DYNAP: variants seen among roughly 807,000 people sequenced by gnomAD.
DYNAP encodes the protein dynactin-associated protein.
Under a neutral mutation model 8.5 loss-of-function variants are expected in DYNAP, and 7 were observed. The ratio of observed to expected loss-of-function variants is 0.82; its 90% CI spans 0.47 to 1.54. The LOEUF (loss-of-function observed/expected upper bound fraction) is 1.54, where lower values mean the gene tolerates loss of function less well. Among genes scored for constraint, DYNAP ranks in the 40% most tolerant of loss-of-function variants. The pLI is 0.01. For missense variants in DYNAP, 256 were observed against 224.3 expected, an observed-to-expected ratio of 1.14 and a Z score of -0.90; for synonymous variants, 77 against 77.9, an observed-to-expected ratio of 0.99 and a Z score of 0.06.
upstream of DYNAP, among the ~76,000 whole-genome samples, chr18:54,584,212 TTTAA>T (rs1482148532): frequency 6.7e-6 from 1 of 150,226 alleles, no homozygotes; most frequent in Non-Finnish European, 1.5e-5. Context: ...AAATTTCACT[TTTAA>T]TTATACATTT....
rs761136254 is a variant in DYNAP, at chr18:54,597,832, A to G, written c.242A>G (p.Asn81Ser). ...CNTQVKEYCR[N>S]DWSMWKVFLA... ...GCTTAGGTAAAAGAATATTGCCGCAATGACTGGTCTATGTGGAAAGTCTTC... is the reference window on the plus strand; with the variant it reads ...GCTTAGGTAAAAGAATATTGCCGCAGTGACTGGTCTATGTGGAAAGTCTTC... The change falls in exon 3 of 3, where the codon AAT becomes AGT. Residue 81 changes from asparagine (N) to serine (S), a missense_variant. Physicochemically the swap from Asn to Ser is conservative, Grantham distance 46. Transcript: ENST00000648945. The G allele has an allele frequency of 6.2e-7, 1 of 1,607,406 alleles. No individual in the cohort carries two copies. The highest frequency in any genetic ancestry group is 8.5e-7 in the Non-Finnish European group (1 of 1,174,842).
chr18:54,594,842 T>C, intron 1 of DYNAP, 97 bp from the exon 2 acceptor site: 2 of 1,332,368 alleles, frequency 1.5e-6, no homozygotes, highest in Non-Finnish European at 1.0e-6. Context: ...CTTTTAAAAG[T>C]CATACTCTTA....
the DYNAP span, among the ~76,000 whole-genome samples, chr18:54,576,551 C>CA: frequency 6.6e-6 from 1 of 152,066 alleles, no homozygotes; most frequent in Non-Finnish European, 1.5e-5. Flanking sequence ...GTAATCTCAA[C>CA]ACTTCGGAAG....
rs1439933713 is a variant in DYNAP at position 54,594,951 on chromosome 18, C to T, written c.70C>T (p.Pro24Ser). The change falls in exon 2 of 3, where the codon CCA becomes TCA. Residue 24 changes from proline to serine, a missense_variant. Coordinates refer to ENST00000648945, the MANE Select transcript of DYNAP (RefSeq NM_173629.3). ...TCTGCCTTTGTAGCCAATCACACAT[C>T]CAAATGACCAAGAGGCTCACAGTTC... Reference protein sequence around the residue: ...HSENQPPITHPNDQEAHSSIC... With the variant: ...HSENQPPITHSNDQEAHSSIC... The T allele has an allele frequency of 1.9e-6, 3 of 1,610,596 alleles. No homozygotes were observed. Among genetic ancestry groups the T allele is most frequent in the South Asian group, 1.1e-5 (1 of 90,454 alleles).
upstream of DYNAP, among the ~76,000 whole-genome samples, chr18:54,588,440 G>A (rs1910957025): frequency 2.0e-5 from 3 of 152,118 alleles, no homozygotes; most frequent in African/African-American, 7.2e-5. Context: ...CCTGACCTCA[G>A]GTGATTTGCC....
chr18:54,596,204 C>T (rs978140252), intron 2 of DYNAP, among the ~76,000 whole-genome samples: 1 of 151,980 alleles, frequency 6.6e-6, no homozygotes, highest in Non-Finnish European at 1.5e-5. Flanking sequence ...TGCTAAGTAG[C>T]TAGGACCACA....
chr18:54,596,300 T>G (rs994956648), intron 2 of DYNAP, among the ~76,000 whole-genome samples: 56 of 152,196 alleles, frequency 3.7e-4, no homozygotes, highest in African/African-American at 1.3e-3. Context: ...CTCAACCTCC[T>G]GGGCTCAAGG....
chr18:54,597,757 G>C, intron 2 of DYNAP, 56 bp from the exon 3 acceptor site: 9 of 1,519,746 alleles, frequency 5.9e-6, no homozygotes, highest in Non-Finnish European at 8.0e-6. Context: ...TAAAAGAGAT[G>C]ATAAATTACA....
chr18:54,577,530 G>A, the DYNAP span, among the ~76,000 whole-genome samples: 20 of 147,130 alleles, frequency 1.4e-4, no homozygotes, highest in South Asian at 4.1e-3. Context: ...ACAGTGAACC[G>A]TGATTGCACC....
the DYNAP span, among the ~76,000 whole-genome samples, chr18:54,579,743 A>G: frequency 2.0e-5 from 3 of 152,210 alleles, no homozygotes; most frequent in Admixed American, 6.5e-5. Flanking sequence ...ATCCTCAAAG[A>G]TGGTCTCCAG....
At chr18:54,580,674 C>T in the DYNAP span, among the ~76,000 whole-genome samples, 2 of 152,120 alleles carry the variant, frequency 1.3e-5, no homozygotes, top group African/African-American at 4.8e-5. Context: ...CATAGCTACT[C>T]GTAAGATAAA....
At chr18:54,590,049 A>G (rs1911009909), upstream of DYNAP, among the ~76,000 whole-genome samples, 2 of 152,160 alleles carry the variant, frequency 1.3e-5, no homozygotes, top group Non-Finnish European at 2.9e-5. Flanking sequence ...TTTTAAGTAT[A>G]CAGTTAAGAG....
At chr18:54,594,805 C>G in intron 1 of DYNAP, 134 bp from the exon 2 acceptor site, 1 of 959,486 alleles carries the variant, frequency 1.0e-6, no homozygotes, top group Non-Finnish European at 1.5e-6. Flanking sequence ...ATTTTTTTAT[C>G]TTCAGGGGAT....
intron 2 of DYNAP, among the ~76,000 whole-genome samples, chr18:54,595,457 A>G (rs966517831): frequency 1.3e-5 from 2 of 152,126 alleles, no homozygotes; most frequent in Admixed American, 6.6e-5. Flanking sequence ...ATTCACCATT[A>G]GACTCTGATG....
upstream of DYNAP, chr18:54,587,979 T>C (rs1910938878): frequency 2.5e-6 from 1 of 395,880 alleles, no homozygotes; most frequent in African/African-American, 2.1e-5. Flanking sequence ...TTATGGTCCT[T>C]TCTCTAATTC....
the DYNAP span, among the ~76,000 whole-genome samples, chr18:54,579,525 G>A: frequency 6.6e-6 from 1 of 152,154 alleles, no homozygotes; most frequent in Non-Finnish European, 1.5e-5. Context: ...CTTGATAAAA[G>A]AAACAAATGT....
At chr18:54,581,637 G>A in the DYNAP span, among the ~76,000 whole-genome samples, 1 of 151,816 alleles carries the variant, frequency 6.6e-6, no homozygotes. Context: ...ATCATGAAAA[G>A]AAAAAATCAA....
chr18:54,584,842 A>G (rs775701359), upstream of DYNAP, among the ~76,000 whole-genome samples: 1 of 152,164 alleles, frequency 6.6e-6, no homozygotes, highest in Non-Finnish European at 1.5e-5. Flanking sequence ...TTCTTAATGC[A>G]TTTTTTAAAA....
At chr18:54,594,885 A>G (rs1168606942) in intron 1 of DYNAP, 54 bp from the exon 2 acceptor site, 18 of 1,547,364 alleles carry the variant, frequency 1.2e-5, no homozygotes, top group Non-Finnish European at 1.6e-5. Context: ...TATTTTAGCA[A>G]CTCAACACCA....
Sources: allele counts gnomAD v4.1 joint callset (sites outside exome capture counted in the v4.1 genomes callset), GRCh38; gene constraint gnomAD v4.1.1; transcripts MANE v1.5; gene names NCBI Gene and HGNC (gene_info 2026-07-23, HGNC 2026-07-21).